THAP6: variants seen among roughly 807,000 people sequenced by gnomAD.
THAP6 encodes the protein THAP domain containing 6, also known as THAP domain-containing protein 6.
THAP6 carries 13 observed loss-of-function variants against 20.0 expected under a neutral mutation model. The observed-to-expected ratio is 0.65, with a 90% CI of 0.42 to 1.03. The LOEUF is 1.03. Among genes scored for constraint, THAP6 ranks in the 50% least tolerant of loss-of-function variants. THAP6 has a pLI of 0.00. For missense variants in THAP6, 262 were observed against 261.6 expected (o/e 1.00, Z -0.01); for synonymous variants, 93 against 92.2 (o/e 1.01, Z -0.05).
intron 2 of THAP6, among the ~76,000 whole-genome samples, chr4:75,516,515 C>A (rs192426834): frequency 3.7e-4 from 56 of 152,218 alleles, no homozygotes; most frequent in African/African-American, 1.3e-3. Flanking sequence ...TGCTAAATAT[C>A]CATTGAAACT....
At position 75,527,001 on chromosome 4, in the gene THAP6, G is replaced by C; in HGVS notation, c.456G>C (p.Lys152Asn). 1 of 1,614,060 alleles carries C rather than the reference G, an allele frequency of 6.2e-7. No homozygotes were observed. Among genetic ancestry groups the C allele is most frequent in the Non-Finnish European group, 8.5e-7 (1 of 1,179,950 alleles). The change falls in exon 5 of 5, where the codon AAG becomes AAC. Residue 152 changes from lysine (K) to asparagine (N), a missense_variant. Lys to Asn is a moderately conservative substitution (Grantham distance 94). Transcript: ENST00000311638. ...YSVMDSPKKL[K>N]HKLDHVIGEL... ...TAATGGACAGTCCAAAGAAACTTAA[G>C]CATAAATTAGATCATGTGATCGGCG... is the stretch of plus-strand genomic sequence containing the variant.
At chr4:75,516,627 A>T (rs934489068) in intron 2 of THAP6, 145 bp from the exon 3 acceptor site, 1 of 684,588 alleles carries the variant, frequency 1.5e-6, no homozygotes, top group East Asian at 2.8e-5. Flanking sequence ...CAAAAGCATG[A>T]ATTATGGTTT....
In THAP6 at chr4:75,514,520, G is replaced by C; in HGVS notation, c.-21G>C. On this transcript the variant is annotated splice_region_variant and 5_prime_UTR_variant, in exon 1 of 5. Transcript: ENST00000311638. Reference sequence around the variant, plus strand: ...GTTAGTCGCAGTCTTCGCTGCTAACGGTAATAACTCTTAGGTTGCCTGTTT... The same window carrying C: ...GTTAGTCGCAGTCTTCGCTGCTAACCGTAATAACTCTTAGGTTGCCTGTTT... 2.0e-6 allele frequency: 1 copy of C among 505,982 alleles called. No individual in the cohort carries two copies. Among genetic ancestry groups the C allele is most frequent in the Non-Finnish European group, 3.6e-6 (1 of 278,142 alleles). The allele number at this position is 505,982 out of a possible 1,614,324, so 31.3% of individuals were successfully genotyped here. A position where few individuals can be genotyped will look rare whatever the true frequency, so the allele number is the denominator to read the frequency against.
chr4:75,538,303 G>A (rs906682543), intron 2 of THAP6, among the ~76,000 whole-genome samples: 3 of 151,738 alleles, frequency 2.0e-5, no homozygotes, highest in African/African-American at 7.3e-5. Flanking sequence ...ACATGACCCA[G>A]ATTGTAGGAT....
Position 75,527,256 on chromosome 4 carries a change from C to A in THAP6, c.*42C>A, listed in dbSNP as rs1726442963. 6.4e-7 allele frequency: 1 copy of A among 1,572,960 alleles called. No homozygotes were observed. ...GTTCCACCTAAAATTGTCATTGGTACAAATTTTTATAAAATCTCATTTACC... is the reference window on the plus strand; with the variant it reads ...GTTCCACCTAAAATTGTCATTGGTAAAAATTTTTATAAAATCTCATTTACC... On this transcript the variant is annotated 3_prime_UTR_variant, in exon 5 of 5. Coordinates refer to ENST00000311638, the MANE Select transcript of THAP6 (RefSeq NM_144721.6).
rs1578252274 is a variant in THAP6 at position 75,514,475 on chromosome 4, A to G, written c.-66A>G. On this transcript the variant is annotated 5_prime_UTR_variant, in exon 1 of 5. Transcript: ENST00000311638. ...GGCTACGAGGCGGAAGCGAAGGCAGACGCAGTCTCCGTCGTTGACGTTAGT... is the reference window on the plus strand; with the variant it reads ...GGCTACGAGGCGGAAGCGAAGGCAGGCGCAGTCTCCGTCGTTGACGTTAGT... 5 of 570,460 alleles carry G rather than the reference A, an allele frequency of 8.8e-6. No individual in the cohort carries two copies. In the East Asian group the frequency reaches 1.4e-4, roughly 16 times the overall value. The allele number at this position is 570,460 out of a possible 1,614,324, so 35.3% of individuals were successfully genotyped here. A position where few individuals can be genotyped will look rare whatever the true frequency, so the allele number is the denominator to read the frequency against.
rs1315716027 is a variant in THAP6, at chr4:75,528,095, G to A, written c.*881G>A. The A allele has an allele frequency of 1.0e-6, 1 of 984,470 alleles. No individual in the cohort carries two copies. Among genetic ancestry groups the A allele is most frequent in the Admixed American group, 6.2e-5 (1 of 16,254 alleles). 61.0% of individuals were successfully genotyped at this position (984,470 alleles called of 1,614,324 possible). ...TTTTAAAAAAATACAAAATACAAAA[G>A]AAACCATTAGAAATTAATAACTGTG... On this transcript the variant is annotated 3_prime_UTR_variant, in exon 5 of 5. Coordinates refer to ENST00000311638, the MANE Select transcript of THAP6 (RefSeq NM_144721.6).
intron 2 of THAP6, among the ~76,000 whole-genome samples, chr4:75,516,097 A>T (rs537810295): frequency 6.6e-6 from 1 of 152,370 alleles, no homozygotes; most frequent in South Asian, 2.1e-4. Context: ...CTTTTGTGCC[A>T]GGCACTGTCC....
chr4:75,542,071 G>A (rs1461487157), intron 2 of THAP6, among the ~76,000 whole-genome samples: 3 of 152,032 alleles, frequency 2.0e-5, no homozygotes, highest in Non-Finnish European at 4.4e-5. Flanking sequence ...TGTAAGTCTT[G>A]AATTACTAGT....
At position 75,514,502 on chromosome 4, in the gene THAP6, G is replaced by T; in HGVS notation, c.-39G>T. On this transcript the variant is annotated 5_prime_UTR_variant, in exon 1 of 5. Coordinates refer to ENST00000311638, the MANE Select transcript of THAP6 (RefSeq NM_144721.6). ...GCAGTCTCCGTCGTTGACGTTAGTC[G>T]CAGTCTTCGCTGCTAACGGTAATAA... 1.9e-6 allele frequency: 1 copy of T among 523,266 alleles called. No individual in the cohort carries two copies. Among genetic ancestry groups the T allele is most frequent in the Non-Finnish European group, 3.4e-6 (1 of 290,182 alleles). The allele number at this position is 523,266 out of a possible 1,614,324, so 32.4% of individuals were successfully genotyped here. A position where few individuals can be genotyped will look rare whatever the true frequency, so the allele number is the denominator to read the frequency against.
intron 3 of THAP6, among the ~76,000 whole-genome samples, chr4:75,520,015 G>A (rs546392165): frequency 1.3e-5 from 2 of 151,566 alleles, no homozygotes; most frequent in Non-Finnish European, 2.9e-5. Flanking sequence ...TTTAATGATT[G>A]CCATTCTAAC....
At chr4:75,515,845 A>G (rs1013754440) in intron 2 of THAP6, among the ~76,000 whole-genome samples, 7 of 152,272 alleles carry the variant, frequency 4.6e-5, no homozygotes, top group Non-Finnish European at 1.5e-5. Flanking sequence ...TGTAGTTTAC[A>G]ATCTGAATGA....
At position 75,528,137 on chromosome 4, in the gene THAP6, T is replaced by C. The variant is rs538645950; in HGVS notation, c.*923T>C. On this transcript the variant is annotated 3_prime_UTR_variant, in exon 5 of 5. Transcript: ENST00000311638. ...ATAACTGTGGCTCTTCCAGTTGAAATAGGAATTGGAGAGAAAGGATTAGAA... is the reference window on the plus strand; with the variant it reads ...ATAACTGTGGCTCTTCCAGTTGAAACAGGAATTGGAGAGAAAGGATTAGAA... The C allele has an allele frequency of 7.1e-6, 7 of 985,072 alleles. No individual in the cohort carries two copies. The African/African-American group carries it at 8.7e-5, about 12-fold the overall frequency. 61.0% of individuals were successfully genotyped at this position (985,072 alleles called of 1,614,324 possible).
chr4:75,541,885 G>C (rs1158559194), intron 2 of THAP6, among the ~76,000 whole-genome samples: 3 of 151,872 alleles, frequency 2.0e-5, no homozygotes, highest in Admixed American at 6.6e-5. Flanking sequence ...GAGCGCAGAG[G>C]GGCGGAGGTT....
At chr4:75,526,841 T>G (rs1045236729) in intron 4 of THAP6, 119 bp from the exon 5 acceptor site, 1 of 1,428,630 alleles carries the variant, frequency 7.0e-7, no homozygotes, top group African/African-American at 1.4e-5. Context: ...TAAACCTCTA[T>G]CACCAACTTA....
intron 3 of THAP6, chr4:75,542,605 A>C (rs1343517439): frequency 1.7e-6 from 1 of 586,056 alleles, no homozygotes; most frequent in African/African-American, 1.9e-5. Flanking sequence ...TTAAACAGAG[A>C]AAAGCTAGGT....
chr4:75,524,420 T>C lies in THAP6; in HGVS notation c.415-2540T>C, dbSNP rs1458856439. On this transcript the variant is annotated intron_variant, in intron 4 of 4. Transcript: ENST00000311638. The stretch of plus-strand genomic sequence containing the variant: ...AGGGCTTTTCATTCCTTTGTGTCAG[T>C]CCATATTTCCACCTGTTATCATTTT... 3.9e-5 allele frequency among the ~76,000 whole-genome samples: 6 copies of C among 152,236 alleles called. No individual in the cohort carries two copies. In the East Asian group the frequency reaches 1.2e-3, roughly 29 times the overall value.
intron 3 of THAP6, 133 bp from the exon 4 acceptor site, chr4:75,521,603 G>T: frequency 1.1e-6 from 1 of 936,964 alleles, no homozygotes; most frequent in East Asian, 2.7e-5. Flanking sequence ...GGTGGAATTT[G>T]CTGACTTTTA....
chr4:75,534,241 C>T (rs1002803371), downstream of THAP6, among the ~76,000 whole-genome samples: 10 of 152,128 alleles, frequency 6.6e-5, no homozygotes, highest in African/African-American at 2.2e-4. Context: ...AGAACAGAGC[C>T]CTCAGAAATA....
Sources: gnomAD v4.1 joint callset for allele counts (sites outside exome capture counted in the v4.1 genomes callset) on GRCh38, gnomAD v4.1.1 for gene constraint, MANE v1.5 for transcripts, NCBI Gene and HGNC (gene_info 2026-07-23, HGNC 2026-07-21) for gene names.